The following PRKCA variants were observed in gnomAD, a reference collection of about 807,000 sequenced individuals.
The protein encoded by PRKCA is protein kinase C alpha type.
Under a neutral mutation model 87.0 loss-of-function variants are expected in PRKCA, and 27 were observed. The observed-to-expected ratio is 0.31, with a 90% CI of 0.23 to 0.43. The LOEUF (loss-of-function observed/expected upper bound fraction) is 0.43. Ranked by LOEUF, PRKCA falls within the 20% of genes least tolerant of loss-of-function variation. The pLI is 1.00. For missense variants in PRKCA, 518 were observed against 852.3 expected, an observed-to-expected ratio of 0.61 and a Z score of 4.88; for synonymous variants, 329 against 311.1, an observed-to-expected ratio of 1.06 and a Z score of -0.61.
chr17:66,428,551 T>C (rs1912936257), intron 2 of PRKCA, among the ~76,000 whole-genome samples: 1 of 151,592 alleles, frequency 6.6e-6, no homozygotes, highest in African/African-American at 2.4e-5. Context: ...TCACCCAGGC[T>C]AGAGTGCAGT....
At chr17:66,679,694 C>T (rs932347301) in intron 5 of PRKCA, among the ~76,000 whole-genome samples, 2 of 152,234 alleles carry the variant, frequency 1.3e-5, no homozygotes, top group African/African-American at 4.8e-5. Flanking sequence ...TTCCTTTCCT[C>T]CTCGTTCTCC....
rs79783123 is a variant in PRKCA, at chr17:66,803,638, A to G, written c.1855-235A>G. Among the ~76,000 whole-genome samples the G allele has an allele frequency of 0.2, 22,731 of 115,518 alleles. 2,050 individuals are homozygous for G. Among genetic ancestry groups the G allele is most frequent in the East Asian group, 0.35 (1,398 of 3,972 alleles). 75.8% of individuals were successfully genotyped at this position (115,518 alleles called of 152,430 possible). ...TTGCTGCCTCATTGCCAGCCGTGCA[A>G]TTCCCACCCAGGGCTTCTGTTCGGG... On this transcript the variant is annotated intron_variant, in intron 16 of 16. Transcript: ENST00000413366. This position sits in a 1 kb window ranked among gnomAD's most constrained non-coding sequence, Gnocchi z 4.4.
At chr17:66,484,329 C>A (rs1291142221) in intron 2 of PRKCA, among the ~76,000 whole-genome samples, 1 of 152,200 alleles carries the variant, frequency 6.6e-6, no homozygotes, top group East Asian at 1.9e-4. Flanking sequence ...GTAGCTAATA[C>A]CTGAAATAAT....
chr17:66,711,401 C>A (rs1407633600), intron 8 of PRKCA, among the ~76,000 whole-genome samples: 3 of 152,200 alleles, frequency 2.0e-5, no homozygotes, highest in African/African-American at 7.2e-5. Flanking sequence ...CCTTCTCACT[C>A]TTATTTCATT....
At position 66,742,546 on chromosome 17, in the gene PRKCA, C is replaced by A. The variant is rs1475399280; in HGVS notation, c.1386-76C>A. 1.4e-5 allele frequency: 20 copies of A among 1,480,098 alleles called. No homozygotes were observed. In the East Asian group the frequency reaches 3.6e-4, roughly 27 times the overall value. The allele number at this position is 1,480,098 out of a possible 1,614,324, so 91.7% of individuals were successfully genotyped here. On this transcript the variant is annotated intron_variant, in intron 12 of 16. Coordinates refer to ENST00000413366, the MANE Select transcript of PRKCA (RefSeq NM_002737.3). ...TTGAGCTGACAGGTATTCAGATATC[C>A]TTCTATTTCACCAGTTCCAAAGCAA...
chr17:66,321,054 GA>G (rs1260679055), intron 2 of PRKCA, among the ~76,000 whole-genome samples: 1 of 152,054 alleles, frequency 6.6e-6, no homozygotes, highest in East Asian at 1.9e-4. Flanking sequence ...TCTGACCTTG[GA>G]AATAAAGATA....
intron 14 of PRKCA, among the ~76,000 whole-genome samples, chr17:66,778,447 C>T (rs574723792): frequency 3.3e-5 from 5 of 152,186 alleles, no homozygotes; most frequent in South Asian, 2.1e-4. Flanking sequence ...ACCCGGGAGG[C>T]GGAGCTTGCA....
At chr17:66,654,044 T>C (rs942428138) in intron 5 of PRKCA, among the ~76,000 whole-genome samples, 1 of 152,196 alleles carries the variant, frequency 6.6e-6, no homozygotes, top group Non-Finnish European at 1.5e-5. Flanking sequence ...CAAGACTGGG[T>C]CCTCTCTTTT....
At chr17:66,586,448 T>C (rs1237703998) in intron 3 of PRKCA, among the ~76,000 whole-genome samples, 1 of 152,256 alleles carries the variant, frequency 6.6e-6, no homozygotes, top group Non-Finnish European at 1.5e-5. Context: ...AGTAGAGTTC[T>C]ACCAGTGGCC....
intron 3 of PRKCA, among the ~76,000 whole-genome samples, chr17:66,617,509 G>A (rs577962357): frequency 6.6e-6 from 1 of 152,254 alleles, no homozygotes; most frequent in South Asian, 2.1e-4. Context: ...TCCCTAATGG[G>A]CTTGTTCCAT....
chr17:66,675,209 T>C (rs1217457647), intron 5 of PRKCA, among the ~76,000 whole-genome samples: 3 of 152,200 alleles, frequency 2.0e-5, no homozygotes, highest in Non-Finnish European at 1.5e-5. Context: ...GAGGGCCCAT[T>C]TGCCGACAGC....
intron 2 of PRKCA, among the ~76,000 whole-genome samples, chr17:66,486,232 C>G (rs879334763): frequency 5.3e-5 from 8 of 152,118 alleles, no homozygotes; most frequent in Non-Finnish European, 1.2e-4. Flanking sequence ...AAGCAGTTAC[C>G]ATTTAATGCT....
intron 2 of PRKCA, among the ~76,000 whole-genome samples, chr17:66,328,611 A>G (rs961132441): frequency 6.6e-6 from 1 of 152,056 alleles, no homozygotes; most frequent in Non-Finnish European, 1.5e-5. Flanking sequence ...CAGCCTGGCC[A>G]ACATGGGGAA....
chr17:66,730,175 G>T (rs1973850727), intron 8 of PRKCA, among the ~76,000 whole-genome samples: 1 of 152,146 alleles, frequency 6.6e-6, no homozygotes, highest in South Asian at 2.1e-4. Context: ...TTCTGTATTT[G>T]TTCAGCCAGA....
chr17:66,625,557 A>G (rs879744258), intron 3 of PRKCA, among the ~76,000 whole-genome samples: 1 of 152,220 alleles, frequency 6.6e-6, no homozygotes, highest in Admixed American at 6.5e-5. Context: ...TAGCATTATC[A>G]CTTATTTTCA....
rs9911102 is a variant in PRKCA at position 66,693,625 on chromosome 17, C to T, written c.918+4578C>T. Among the ~76,000 whole-genome samples the T allele has an allele frequency of 8.1e-3, 1,240 of 152,254 alleles. 11 individuals carry two copies. The highest frequency in any genetic ancestry group is 0.028 in the African/African-American group (1,183 of 41,548). Reference sequence around the variant, plus strand: ...GGTCTCTGCTCCCTGTGATGAGGCTCACGGCCAGAGTTGGGAAAAGGTCCA... The same window carrying T: ...GGTCTCTGCTCCCTGTGATGAGGCTTACGGCCAGAGTTGGGAAAAGGTCCA... On this transcript the variant is annotated intron_variant, in intron 8 of 16. Transcript: ENST00000413366.
chr17:66,638,362 G>A (rs1971200970), intron 3 of PRKCA: 1 of 151,880 alleles, frequency 6.6e-6, no homozygotes, highest in Non-Finnish European at 1.5e-5. Flanking sequence ...TATGTGAACT[G>A]TTTCATATAA....
At chr17:66,660,222 T>TC (rs1317925541) in intron 5 of PRKCA, among the ~76,000 whole-genome samples, 2 of 151,890 alleles carry the variant, frequency 1.3e-5, no homozygotes, top group South Asian at 2.1e-4. Flanking sequence ...TGTCTTCTGC[T>TC]CCCCCCATCC....
intron 2 of PRKCA, among the ~76,000 whole-genome samples, chr17:66,410,120 T>A (rs1768328848): frequency 6.6e-6 from 1 of 152,134 alleles, no homozygotes; most frequent in African/African-American, 2.4e-5. Context: ...ATCTCCCCAG[T>A]CCCTTTCACT....
Sources: allele counts gnomAD v4.1 joint callset (sites outside exome capture counted in the v4.1 genomes callset), GRCh38; gene constraint gnomAD v4.1.1; non-coding constraint Gnocchi (gnomAD v3.1); transcripts MANE v1.5; gene names NCBI Gene and HGNC (gene_info 2026-07-23, HGNC 2026-07-21).